The following STRBP variants were observed in gnomAD, a reference collection of about 807,000 sequenced individuals.
STRBP encodes the protein spermatid perinuclear RNA binding protein.
A neutral mutation model predicts 80.1 loss-of-function variants in STRBP; 13 were observed. The ratio of observed to expected loss-of-function variants is 0.16; its 90% confidence interval spans 0.11 to 0.26. STRBP has a LOEUF of 0.26. Among genes scored for constraint, STRBP ranks in the 10% least tolerant of loss-of-function variants. The pLI is 1.00. For synonymous variants in STRBP, 284 were observed against 291.2 expected, an observed-to-expected ratio of 0.98 and a Z score of 0.25; for missense variants, 485 against 815.2, an observed-to-expected ratio of 0.59 and a Z score of 4.93.
At chr9:123,111,297 C>G (rs1292042882) in intron 3 of STRBP, 1 of 248,372 alleles carries the variant, frequency 4.0e-6, no homozygotes, top group Non-Finnish European at 8.5e-6. Context: ...ATACCCAGAA[C>G]AGAGGAAAGA....
intron 2 of STRBP, among the ~76,000 whole-genome samples, chr9:123,196,783 G>C (rs374713898): frequency 1.3e-5 from 2 of 152,270 alleles, no homozygotes; most frequent in African/African-American, 4.8e-5. Flanking sequence ...GTATACTGTT[G>C]GTAGGAATGT....
intron 17 of STRBP, among the ~76,000 whole-genome samples, chr9:123,131,359 C>T (rs2036129667): frequency 2.0e-5 from 3 of 152,202 alleles, no homozygotes; most frequent in Admixed American, 2.0e-4. Flanking sequence ...CTGAGTCATC[C>T]AGCTTTAATT....
At chr9:123,144,547 C>T (rs2036734004) in intron 13 of STRBP, among the ~76,000 whole-genome samples, 1 of 152,096 alleles carries the variant, frequency 6.6e-6, no homozygotes, top group Non-Finnish European at 1.5e-5. Flanking sequence ...ATTTTTAATG[C>T]TTTCTGAAGT....
At chr9:123,183,255 C>T (rs1039659627) in intron 3 of STRBP, among the ~76,000 whole-genome samples, 4 of 151,436 alleles carry the variant, frequency 2.6e-5, no homozygotes, top group African/African-American at 7.3e-5. Flanking sequence ...GCCAACATGG[C>T]GAAACCCCGT....
At chr9:123,161,102 C>A (rs746257048) in intron 6 of STRBP, 34 bp from the exon 7 acceptor site, 19 of 1,452,296 alleles carry the variant, frequency 1.3e-5, no homozygotes, top group Non-Finnish European at 1.8e-5. Flanking sequence ...GAGACAAATA[C>A]AATTTGACCA....
At chr9:123,127,745 C>A (rs1042727490) in intron 18 of STRBP, among the ~76,000 whole-genome samples, 1 of 152,184 alleles carries the variant, frequency 6.6e-6, no homozygotes, top group Non-Finnish European at 1.5e-5. Context: ...TTTACTTCAA[C>A]CCCAAAGCAA....
chr9:123,223,720 A>T lies in STRBP; in HGVS notation c.-165+13110T>A, dbSNP rs75203160. Among the ~76,000 whole-genome samples the T allele has an allele frequency of 3.0e-4, 46 of 152,246 alleles. No homozygotes were observed. The East Asian group carries it at 8.1e-3, about 27-fold the overall frequency. On this transcript the variant is annotated intron_variant, in intron 2 of 18. Coordinates refer to ENST00000348403, the MANE Select transcript of STRBP (RefSeq NM_018387.5). ...ATAGATAATTCCAATTCAACGTTAC[A>T]ATTTTTTTTTATGAACCTCTTGGAT...
rs940289734 is a variant in STRBP at position 123,115,220 on chromosome 9, C to G, written c.*84+709G>C. 2.1e-6 allele frequency: 1 copy of G among 471,212 alleles called. No homozygotes were observed. 29.2% of individuals were successfully genotyped at this position (471,212 alleles called of 1,614,324 possible). On this transcript the variant is annotated intron_variant and NMD_transcript_variant, in intron 3 of 3. Coordinates refer to the STRBP transcript ENST00000471564. This position sits in a 1 kb window ranked among gnomAD's most constrained non-coding sequence, Gnocchi z 5.0. Reference sequence around the variant, plus strand: ...GCACACTCTCTCTGTGCATGCATGCCAGGCCCGCCTCTGACTCCCCTCCTG... The same window carrying G: ...GCACACTCTCTCTGTGCATGCATGCGAGGCCCGCCTCTGACTCCCCTCCTG...
intron 2 of STRBP, among the ~76,000 whole-genome samples, chr9:123,189,439 T>C (rs2132480224): frequency 6.8e-6 from 1 of 148,124 alleles, no homozygotes. Flanking sequence ...TGTGCACATG[T>C]ACCCTAAAAC....
chr9:123,209,930 T>C (rs147545912), intron 2 of STRBP, among the ~76,000 whole-genome samples: 304 of 152,296 alleles, frequency 2.0e-3, no homozygotes, highest in Middle Eastern at 3.4e-3. Flanking sequence ...AAGAAACATA[T>C]AGGCTGCTGA....
At chr9:123,127,620 G>A (rs1251296784) in intron 18 of STRBP, among the ~76,000 whole-genome samples, 1 of 152,212 alleles carries the variant, frequency 6.6e-6, no homozygotes, top group East Asian at 1.9e-4. Context: ...TTAGAGGGGA[G>A]AAGAGAAACA....
intron 1 of STRBP, among the ~76,000 whole-genome samples, chr9:123,245,414 T>C (rs1207322664): frequency 2.6e-5 from 4 of 152,178 alleles, no homozygotes; most frequent in East Asian, 1.9e-4. Context: ...GTTTGAGACG[T>C]TGTCTCGCTC....
intron 2 of STRBP, among the ~76,000 whole-genome samples, chr9:123,192,920 C>A (rs928250364): frequency 6.6e-6 from 1 of 152,148 alleles, no homozygotes; most frequent in Admixed American, 6.5e-5. Flanking sequence ...TCATTCTTGT[C>A]ATTTCTCTCA....
intron 1 of STRBP, among the ~76,000 whole-genome samples, chr9:123,248,778 T>C (rs1378928236): frequency 6.6e-6 from 1 of 152,238 alleles, no homozygotes; most frequent in Non-Finnish European, 1.5e-5. Context: ...TAATAAAGAA[T>C]GGCTTCCTCT....
chr9:123,159,805 G>A (rs929810666), intron 8 of STRBP, among the ~76,000 whole-genome samples: 5 of 152,048 alleles, frequency 3.3e-5, no homozygotes, highest in African/African-American at 9.7e-5. Context: ...GTCTTGATTG[G>A]AGCAGGCATA....
chr9:123,239,990 C>T (rs1371215600), intron 1 of STRBP, among the ~76,000 whole-genome samples: 1 of 152,164 alleles, frequency 6.6e-6, no homozygotes, highest in Non-Finnish European at 1.5e-5. Context: ...TGAGTCCTCA[C>T]TCAAACCAGG....
intron 2 of STRBP, among the ~76,000 whole-genome samples, chr9:123,227,418 A>G (rs562842352): frequency 1.6e-4 from 24 of 152,256 alleles, no homozygotes; most frequent in Admixed American, 1.4e-3. Context: ...AAAGGATAAC[A>G]ACAACAGATG....
chr9:123,208,878 CTT>C (rs2039613624), intron 2 of STRBP, among the ~76,000 whole-genome samples: 1 of 152,210 alleles, frequency 6.6e-6, no homozygotes, highest in Non-Finnish European at 1.5e-5. Context: ...GGGAACCTCT[CTT>C]GTACAGCTTC....
chr9:123,222,486 T>C (rs762400762), intron 2 of STRBP, among the ~76,000 whole-genome samples: 32 of 151,992 alleles, frequency 2.1e-4, no homozygotes, highest in Non-Finnish European at 3.8e-4. Flanking sequence ...TTTCAGTCAA[T>C]AGAGCAAGTA....
Sources: allele counts gnomAD v4.1 joint callset (sites outside exome capture counted in the v4.1 genomes callset), GRCh38; gene constraint gnomAD v4.1.1; non-coding constraint Gnocchi (gnomAD v3.1); transcripts MANE v1.5; gene names NCBI Gene and HGNC (gene_info 2026-07-23, HGNC 2026-07-21).